Variants in CCDC88C observed in about 807,000 individuals in gnomAD.
CCDC88C encodes the protein protein Daple.
CCDC88C carries 131 observed loss-of-function variants against 198.8 expected under a neutral mutation model. The observed-to-expected ratio is 0.66, with a 90% CI of 0.57 to 0.76. CCDC88C has a LOEUF of 0.76. Ranked by LOEUF, CCDC88C falls within the 30% of genes least tolerant of loss-of-function variation. The pLI, the probability that CCDC88C is intolerant of heterozygous loss-of-function variation, is 0.00. For synonymous variants in CCDC88C, 1,166 were observed against 1,114.7 expected, an observed-to-expected ratio of 1.05 and a Z score of -0.92; for missense variants, 2,553 against 2,631.6, an observed-to-expected ratio of 0.97 and a Z score of 0.65.
intron 15 of CCDC88C, among the ~76,000 whole-genome samples, chr14:91,311,154 G>A (rs2139799397): frequency 6.6e-6 from 1 of 152,340 alleles, no homozygotes; most frequent in East Asian, 1.9e-4. Flanking sequence ...CAGACTCCCT[G>A]AAGGGTCCCC....
intron 4 of CCDC88C, among the ~76,000 whole-genome samples, chr14:91,357,484 G>A (rs1323528259): frequency 2.0e-5 from 3 of 152,198 alleles, no homozygotes; most frequent in Admixed American, 6.5e-5. Flanking sequence ...CATTTGTAAC[G>A]CACGTTCAGT....
intron 27 of CCDC88C, among the ~76,000 whole-genome samples, chr14:91,280,491 TA>T (rs1238404774): frequency 6.6e-6 from 1 of 152,142 alleles, no homozygotes; most frequent in Non-Finnish European, 1.5e-5. Flanking sequence ...ACATCTCTCT[TA>T]AAAAAATAAG....
chr14:91,416,653 C>G (rs1293445779), intron 2 of CCDC88C, 85 bp downstream of exon 2: 1 of 1,005,212 alleles, frequency 9.9e-7, no homozygotes, highest in East Asian at 2.6e-5. Context: ...CACACACACC[C>G]CGCCATGCAA....
rs2277507 is a variant in CCDC88C, at chr14:91,310,090, G to A, written c.2737-104C>T. ...GTGAGCAACTGTCCTCCCGGGCCAC[G>A]GCTGCCTCCGTGTGGAGCGAGGGGA... On this transcript the variant is annotated intron_variant, in intron 15 of 29. Transcript: ENST00000389857. 0.56 allele frequency: 674,958 copies of A among 1,215,482 alleles called. 197,366 individuals are homozygous for A. The highest frequency in any genetic ancestry group is 0.6 in the Non-Finnish European group (542,100 of 899,818). The allele number at this position is 1,215,482 out of a possible 1,614,324, so 75.3% of individuals were successfully genotyped here.
At chr14:91,327,302 A>G (rs1046921981) in intron 10 of CCDC88C, among the ~76,000 whole-genome samples, 5 of 152,132 alleles carry the variant, frequency 3.3e-5, no homozygotes, top group Non-Finnish European at 7.4e-5. Flanking sequence ...GAAGCCACAC[A>G]CTTTCCGGCC....
At chr14:91,383,970 G>A (rs1281176677) in intron 3 of CCDC88C, among the ~76,000 whole-genome samples, 2 of 152,224 alleles carry the variant, frequency 1.3e-5, no homozygotes, top group African/African-American at 2.4e-5. Flanking sequence ...TGCAGGCAGT[G>A]TGAGGGCACA....
chr14:91,366,497 A>C (rs1056566482), intron 3 of CCDC88C, among the ~76,000 whole-genome samples: 7 of 149,354 alleles, frequency 4.7e-5, no homozygotes, highest in Non-Finnish European at 8.8e-5. Context: ...AAATATAAAA[A>C]TAAAAAAAAA....
chr14:91,341,503 C>T (rs1344682715), intron 6 of CCDC88C, among the ~76,000 whole-genome samples: 2 of 152,246 alleles, frequency 1.3e-5, no homozygotes, highest in Non-Finnish European at 2.9e-5. Context: ...GCTACAGCTT[C>T]TCCCCAATAT....
intron 4 of CCDC88C, among the ~76,000 whole-genome samples, chr14:91,356,138 T>C (rs1184546739): frequency 6.6e-6 from 1 of 152,230 alleles, no homozygotes; most frequent in Non-Finnish European, 1.5e-5. Flanking sequence ...TTCACACATC[T>C]ATTTTTACAA....
chr14:91,283,822 G>T (rs1473481132), intron 25 of CCDC88C, among the ~76,000 whole-genome samples: 1 of 152,184 alleles, frequency 6.6e-6, no homozygotes, highest in Non-Finnish European at 1.5e-5. Context: ...TAAACTGTTG[G>T]TAAAAGTCAC....
At chr14:91,404,037 G>C (rs1020400014) in intron 3 of CCDC88C, among the ~76,000 whole-genome samples, 4 of 152,284 alleles carry the variant, frequency 2.6e-5, no homozygotes, top group African/African-American at 9.6e-5. Context: ...CAGCCAGGCT[G>C]AGGCAGCGTG....
intron 10 of CCDC88C, among the ~76,000 whole-genome samples, chr14:91,331,656 G>T (rs1407027186): frequency 6.6e-6 from 1 of 152,188 alleles, no homozygotes; most frequent in African/African-American, 2.4e-5. Context: ...ACCCCTCACT[G>T]CAGAGATCTA....
intron 3 of CCDC88C, among the ~76,000 whole-genome samples, chr14:91,405,814 C>G (rs1364294895): frequency 6.6e-6 from 1 of 152,228 alleles, no homozygotes; most frequent in African/African-American, 2.4e-5. Flanking sequence ...GAACACCGTC[C>G]ACATGGAATG....
Position 91,416,766 on chromosome 14 carries a change from T to C in CCDC88C, c.133A>G (p.Ile45Val), listed in dbSNP as rs1486016125. 1 of 1,613,508 alleles carries C rather than the reference T, an allele frequency of 6.2e-7. No homozygotes were observed. The highest frequency in any genetic ancestry group is 1.1e-5 in the South Asian group (1 of 91,014). The change falls in exon 2 of 30, where the codon ATC becomes GTC. Residue 45 changes from isoleucine (I) to valine (V), a missense_variant. Ile to Val is a conservative substitution (Grantham distance 29, BLOSUM62 3). Transcript: ENST00000389857. ...TGCAGCATAATTTGGTTCAAAAAGA[T>C]GCCGTCCACTAAATCCATGTACATA... ...LTMYMDLVDG[I>V]FLNQIMLQID...
intron 20 of CCDC88C, among the ~76,000 whole-genome samples, chr14:91,301,541 C>T (rs1891283253): frequency 1.3e-5 from 2 of 152,170 alleles, no homozygotes; most frequent in Admixed American, 1.3e-4. Context: ...CATGGTGAAA[C>T]CCCATCTCTA....
Position 91,294,276 on chromosome 14 carries a change from G to C in CCDC88C, c.4009C>G (p.His1337Asp). 1 of 1,614,036 alleles carries C rather than the reference G, an allele frequency of 6.2e-7. No individual in the cohort carries two copies. Among genetic ancestry groups the C allele is most frequent in the East Asian group, 2.2e-5 (1 of 44,886 alleles). Residue 1337 changes from histidine to aspartate, a missense_variant, in exon 23 of 30, where the codon CAC becomes GAC. Physicochemically the swap from His to Asp is moderately conservative, Grantham distance 81. Around this residue, in one of 2 missense-constraint regions of CCDC88C, gnomAD observed 1,293 missense variants for 1,219.6 expected, o/e 1.06. Transcript: ENST00000389857. ...LKGNLEEENH[H>D]LLSQIQLLSQ... ...AACAGCTGGATCTGGCTCAGGAGGT[G>C]ATGATTTTCTTCCTCCAAGTTCCCC...
intron 10 of CCDC88C, among the ~76,000 whole-genome samples, chr14:91,328,061 G>A (rs923307295): frequency 1.3e-5 from 2 of 152,204 alleles, no homozygotes; most frequent in East Asian, 3.9e-4. Context: ...TTTTGCTCTT[G>A]TGAGCCTCGC....
At chr14:91,281,088 G>A (rs1208570342) in intron 27 of CCDC88C, 15 of 455,174 alleles carry the variant, frequency 3.3e-5, no homozygotes, top group Middle Eastern at 3.2e-4. Context: ...GACTAAATAC[G>A]CCTCAGAGCT....
rs139019688 is a variant in CCDC88C, at chr14:91,359,628, C to T, written c.340+14G>A. On this transcript the variant is annotated intron_variant, in intron 4 of 29. Transcript: ENST00000389857. ...CTGGGCACCACAGGGGAGAAGGGAGCGGCTTTCACTCACCAGACAGTGGGT... is the reference window on the plus strand; with the variant it reads ...CTGGGCACCACAGGGGAGAAGGGAGTGGCTTTCACTCACCAGACAGTGGGT... 2.8e-3 allele frequency: 4,538 copies of T among 1,597,574 alleles called. 15 individuals are homozygous for T. Among genetic ancestry groups the T allele is most frequent in the Middle Eastern group, 7.8e-3 (47 of 6,036 alleles).
Sources: gnomAD v4.1 joint callset for allele counts (sites outside exome capture counted in the v4.1 genomes callset) on GRCh38, gnomAD v4.1.1 for gene constraint, gnomAD v4.1.1 regional missense constraint, MANE v1.5 for transcripts, NCBI Gene and HGNC (gene_info 2026-07-23, HGNC 2026-07-21) for gene names.